ACTR3: variants seen among roughly 807,000 people sequenced by gnomAD.
ACTR3 encodes the protein actin related protein 3, also known as actin-related protein 3.
In ACTR3, 12 loss-of-function variants were observed where a neutral mutation model predicts 56.8. The ratio of observed to expected loss-of-function variants is 0.21; its 90% CI spans 0.14 to 0.34. ACTR3 has a LOEUF of 0.34. ACTR3 is among the 10% of genes least tolerant of loss of function. The pLI is 1.00. For missense variants in ACTR3, 282 were observed against 512.5 expected (o/e 0.55, Z 4.34); for synonymous variants, 162 against 167.4 (o/e 0.97, Z 0.25).
chr2:113,959,370 A>G lies in ACTR3; in HGVS notation c.*1915A>G, dbSNP rs1186428891. 1 of 152,012 alleles carries G rather than the reference A, an allele frequency of 6.6e-6. No individual in the cohort carries two copies. The highest frequency in any genetic ancestry group is 1.5e-5 in the Non-Finnish European group (1 of 67,922). The allele number at this position is 152,012 out of a possible 1,614,324, so 9.4% of individuals were successfully genotyped here. A position where few individuals can be genotyped will look rare whatever the true frequency, so the allele number is the denominator to read the frequency against. ...AGATGTCATGCTCCTGGCCCAATAAAATATTGTTAGCATTGTCATAAATAT... is the reference window on the plus strand; with the variant it reads ...AGATGTCATGCTCCTGGCCCAATAAGATATTGTTAGCATTGTCATAAATAT... On this transcript the variant is annotated 3_prime_UTR_variant, in exon 12 of 12. Transcript: ENST00000263238.
intron 3 of ACTR3, among the ~76,000 whole-genome samples, chr2:113,927,052 CTT>C (rs1276274409): frequency 6.6e-6 from 1 of 152,124 alleles, no homozygotes. Flanking sequence ...TATTACAAAA[CTT>C]TTAAAATCTA....
intron 6 of ACTR3, among the ~76,000 whole-genome samples, chr2:113,935,993 C>T (rs1679817854): frequency 6.6e-6 from 1 of 151,978 alleles, no homozygotes; most frequent in Admixed American, 6.6e-5. Flanking sequence ...TTAGTAAGGA[C>T]ATTAAGAGTG....
chr2:113,938,116 T>G (rs908297880), intron 6 of ACTR3, among the ~76,000 whole-genome samples: 6 of 152,152 alleles, frequency 3.9e-5, no homozygotes, highest in African/African-American at 1.4e-4. Context: ...TCCACTGTAA[T>G]CTCATCTAGT....
intron 1 of ACTR3, among the ~76,000 whole-genome samples, chr2:113,894,128 C>T (rs950563457): frequency 2.0e-5 from 3 of 150,806 alleles, no homozygotes; most frequent in Non-Finnish European, 4.4e-5. Context: ...TTGCTCTCAT[C>T]GCCCAGGCTG....
At chr2:113,912,616 A>C (rs1679328246) in intron 1 of ACTR3, among the ~76,000 whole-genome samples, 1 of 152,164 alleles carries the variant, frequency 6.6e-6, no homozygotes, top group Non-Finnish European at 1.5e-5. Flanking sequence ...AACCAAAATT[A>C]TTCTTGTGTA....
At chr2:113,953,445 G>A (rs1451218920) in intron 10 of ACTR3, 3 of 152,124 alleles carry the variant, frequency 2.0e-5, no homozygotes, top group Non-Finnish European at 2.9e-5. Context: ...AAAGTTTTTG[G>A]ATCTTGGAGC....
chr2:113,894,434 T>C lies in ACTR3; in HGVS notation c.44+4111T>C, dbSNP rs186946641. 1.1e-4 allele frequency among the ~76,000 whole-genome samples: 16 copies of C among 152,338 alleles called. No homozygotes were observed. In the East Asian group the frequency reaches 3.1e-3, roughly 29 times the overall value. On this transcript the variant is annotated intron_variant, in intron 1 of 11. Coordinates refer to ENST00000263238, the MANE Select transcript of ACTR3 (RefSeq NM_005721.5). ...TAGCCATCTCCAAAGGCAGAAATAT[T>C]CACAATAGCTTCTTAACCAAAAAGC...
intron 1 of ACTR3, among the ~76,000 whole-genome samples, chr2:113,895,059 T>TCCCCCCCCC (rs61667793): frequency 1.2e-3 from 139 of 111,326 alleles, no homozygotes; most frequent in African/African-American, 2.1e-3. Flanking sequence ...TGGTTTAGGT[T>TCCCCCCCCC]CCCCCCCCCC....
chr2:113,954,612 A>G (rs1280905923), intron 10 of ACTR3: 3 of 146,910 alleles, frequency 2.0e-5, no homozygotes, highest in Non-Finnish European at 4.5e-5. Context: ...GACCAGTGGG[A>G]GTTATTCAAA....
chr2:113,928,381 G>A (rs917879833), intron 4 of ACTR3, among the ~76,000 whole-genome samples: 2 of 152,138 alleles, frequency 1.3e-5, no homozygotes, highest in Non-Finnish European at 2.9e-5. Context: ...GCAAATGGGA[G>A]TCATTTGACC....
At chr2:113,905,114 C>T (rs139136957) in intron 1 of ACTR3, 1 of 152,238 alleles carries the variant, frequency 6.6e-6, no homozygotes, top group African/African-American at 2.4e-5. Flanking sequence ...GTCTCCTGCA[C>T]TCCAGGGTTA....
At chr2:113,937,294 CG>C (rs1679846594) in intron 6 of ACTR3, among the ~76,000 whole-genome samples, 1 of 152,048 alleles carries the variant, frequency 6.6e-6, no homozygotes, top group Non-Finnish European at 1.5e-5. Context: ...TTAGTAGAGA[CG>C]GGGTTTCACC....
chr2:113,934,501 C>T (rs1679788560), intron 6 of ACTR3, 115 bp downstream of exon 6: 1 of 629,988 alleles, frequency 1.6e-6, no homozygotes, highest in Non-Finnish European at 2.6e-6. Flanking sequence ...ATAATTTGGC[C>T]ATTTGTCCAG....
At chr2:113,939,116 C>T (rs1048550587) in intron 6 of ACTR3, among the ~76,000 whole-genome samples, 21 of 151,824 alleles carry the variant, frequency 1.4e-4, no homozygotes, top group Admixed American at 6.6e-4. Context: ...CTCCGCCTCC[C>T]GGGTTCACGC....
chr2:113,915,255 G>GC (rs1458487065), intron 2 of ACTR3, among the ~76,000 whole-genome samples: 2 of 152,194 alleles, frequency 1.3e-5, no homozygotes, highest in Non-Finnish European at 2.9e-5. Flanking sequence ...TCATGCTCTT[G>GC]CTGGTGTCTT....
At chr2:113,928,760 T>C (rs915430197) in intron 4 of ACTR3, among the ~76,000 whole-genome samples, 1 of 152,220 alleles carries the variant, frequency 6.6e-6, no homozygotes, top group Non-Finnish European at 1.5e-5. Flanking sequence ...GGATGCATGA[T>C]GTGATTTGTC....
chr2:113,919,635 T>C (rs1275394371), intron 3 of ACTR3, among the ~76,000 whole-genome samples: 1 of 152,220 alleles, frequency 6.6e-6, no homozygotes, highest in East Asian at 1.9e-4. Flanking sequence ...GAATGGGATA[T>C]TGGTGATAAG....
At chr2:113,902,144 C>T (rs1679111208) in intron 1 of ACTR3, among the ~76,000 whole-genome samples, 1 of 152,144 alleles carries the variant, frequency 6.6e-6, no homozygotes, top group South Asian at 2.1e-4. Context: ...AAATCCACTT[C>T]CCCTTTCCTC....
At chr2:113,895,067 C>G (rs935015070) in intron 1 of ACTR3, among the ~76,000 whole-genome samples, 3 of 108,824 alleles carry the variant, frequency 2.8e-5, no homozygotes, top group Non-Finnish European at 5.2e-5. Context: ...GTTCCCCCCC[C>G]CCACCCCCCT....
Sources: allele counts gnomAD v4.1 joint callset (sites outside exome capture counted in the v4.1 genomes callset), GRCh38; gene constraint gnomAD v4.1.1; transcripts MANE v1.5; gene names NCBI Gene and HGNC (gene_info 2026-07-23, HGNC 2026-07-21).